The following STXBP5L variants were observed in gnomAD, a reference collection of about 807,000 sequenced individuals.
STXBP5L encodes the protein syntaxin binding protein 5L.
STXBP5L carries 65 observed loss-of-function variants against 144.5 expected under a neutral mutation model. The ratio of observed to expected loss-of-function variants is 0.45; its 90% CI spans 0.37 to 0.55. STXBP5L has a LOEUF of 0.55. Among genes scored for constraint, STXBP5L ranks in the 20% least tolerant of loss-of-function variants. The probability of loss-of-function intolerance (pLI) is 0.00; values close to 1 mark genes in which losing one functional copy is unlikely to be tolerated. For synonymous variants in STXBP5L, 505 were observed against 469.6 expected, an observed-to-expected ratio of 1.08 and a Z score of -0.97; for missense variants, 1,298 against 1,405.5, an observed-to-expected ratio of 0.92 and a Z score of 1.22.
At position 121,413,186 on chromosome 3, in the gene STXBP5L, G is replaced by A. The variant is rs1421779880; in HGVS notation, c.2977G>A (p.Val993Ile). 9 of 1,605,040 alleles carry A rather than the reference G, an allele frequency of 5.6e-6. No homozygotes were observed. Among genetic ancestry groups the A allele is most frequent in the Non-Finnish European group, 5.9e-6 (7 of 1,177,038 alleles). Residue 993 changes from valine (V) to isoleucine (I), a missense_variant, in exon 24 of 27, where the codon GTT (valine) becomes ATT (isoleucine). Coordinates refer to ENST00000471454, the MANE Select transcript of STXBP5L (RefSeq NM_001308330.2). ...SLPSLRPMLDVNYLPLTDMRI... is the reference protein window; with the variant it reads ...SLPSLRPMLDINYLPLTDMRI... Reference sequence around the variant, plus strand: ...ACCTAGTCTTCGCCCAATGTTGGATGTTAATTATTTGCCACTGACAGACAT... The same window carrying A: ...ACCTAGTCTTCGCCCAATGTTGGATATTAATTATTTGCCACTGACAGACAT...
intron 2 of STXBP5L, among the ~76,000 whole-genome samples, chr3:120,950,136 A>G (rs373377432): frequency 2.4e-4 from 37 of 151,992 alleles, no homozygotes; most frequent in African/African-American, 8.9e-4. Context: ...TTATTCTTAG[A>G]GTTTTATAGC....
At chr3:120,971,638 T>TAC (rs10576644) in intron 3 of STXBP5L, among the ~76,000 whole-genome samples, 1,617 of 146,356 alleles carry the variant, frequency 0.011, 17 homozygotes, top group East Asian at 0.042. Context: ...CATGCATACA[T>TAC]ACACACACAC....
intron 20 of STXBP5L, among the ~76,000 whole-genome samples, chr3:121,322,954 G>A (rs1309067509): frequency 1.3e-5 from 2 of 152,114 alleles, no homozygotes; most frequent in Non-Finnish European, 2.9e-5. Context: ...TAATGATGCT[G>A]AGCACTTTTT....
chr3:120,947,852 A>G (rs1559897300), intron 2 of STXBP5L, among the ~76,000 whole-genome samples: 2 of 151,964 alleles, frequency 1.3e-5, no homozygotes, highest in South Asian at 2.1e-4. Context: ...TTATTTATTC[A>G]TCAGTCGATG....
chr3:120,915,745 C>G (rs1709069983), intron 2 of STXBP5L, among the ~76,000 whole-genome samples: 1 of 151,846 alleles, frequency 6.6e-6, no homozygotes. Context: ...ACTAAACTGT[C>G]TTTATAAGGA....
chr3:121,343,459 T>C lies in STXBP5L; in HGVS notation c.2176+24919T>C, dbSNP rs563165552. ...TTTCGGAAAAGAGGAAGTCAAATTA[T>C]CCCTGTTTGCAGATGACATGACTGT... On this transcript the variant is annotated intron_variant, in intron 20 of 26. Transcript: ENST00000471454. 1.1e-4 allele frequency among the ~76,000 whole-genome samples: 16 copies of C among 152,238 alleles called. No individual in the cohort carries two copies. In the East Asian group the frequency reaches 2.5e-3, roughly 24 times the overall value.
chr3:121,044,450 G>T (rs1191679420), intron 4 of STXBP5L, among the ~76,000 whole-genome samples: 1 of 152,074 alleles, frequency 6.6e-6, no homozygotes, highest in African/African-American at 2.4e-5. Flanking sequence ...ATCTAAATGG[G>T]ATATCTGTGA....
chr3:121,274,820 C>A lies in STXBP5L; in HGVS notation c.1959-4985C>A, dbSNP rs1334727213. Among the ~76,000 whole-genome samples, 3 of 152,114 alleles carry A rather than the reference C, an allele frequency of 2.0e-5. 1 individual carries two copies. Among genetic ancestry groups the A allele is most frequent in the Non-Finnish European group, 4.4e-5 (3 of 68,022 alleles). On this transcript the variant is annotated intron_variant, in intron 18 of 26. Transcript: ENST00000471454. ...GATGAGACATAGTAATAGCATGGAA[C>A]ATAGCAGTAACGTGGGTCCAGCGAC...
chr3:121,096,561 T>C lies in STXBP5L; in HGVS notation c.471-18364T>C, dbSNP rs564537585. Among the ~76,000 whole-genome samples, 3 of 152,302 alleles carry C rather than the reference T, an allele frequency of 2.0e-5. No individual in the cohort carries two copies. In the South Asian group the frequency reaches 6.2e-4, roughly 32 times the overall value. On this transcript the variant is annotated intron_variant, in intron 5 of 26. Transcript: ENST00000471454. ...TCTTTGAGTGGATGTGCTATTCGTT[T>C]CTGTTTGTTAGTTTTTCTTCCAACA... is the stretch of plus-strand genomic sequence containing the variant.
intron 3 of STXBP5L, among the ~76,000 whole-genome samples, chr3:120,982,927 G>A (rs1941930569): frequency 6.6e-6 from 1 of 152,190 alleles, no homozygotes; most frequent in South Asian, 2.1e-4. Context: ...TGCTGCCTGT[G>A]ATAGGGAGGA....
At chr3:121,271,501 T>C (rs2050733107) in intron 18 of STXBP5L, among the ~76,000 whole-genome samples, 1 of 152,192 alleles carries the variant, frequency 6.6e-6, no homozygotes, top group Non-Finnish European at 1.5e-5. Context: ...GCACAATAGA[T>C]GCTCATTTCT....
intron 5 of STXBP5L, among the ~76,000 whole-genome samples, chr3:121,111,811 A>G (rs1204736200): frequency 6.6e-6 from 1 of 152,198 alleles, no homozygotes; most frequent in Non-Finnish European, 1.5e-5. Context: ...GGTTCTGCAG[A>G]GCCATCGGGG....
At chr3:121,162,880 T>C (rs2046371865) in intron 9 of STXBP5L, among the ~76,000 whole-genome samples, 1 of 152,174 alleles carries the variant, frequency 6.6e-6, no homozygotes, top group Non-Finnish European at 1.5e-5. Flanking sequence ...AGATACCATC[T>C]CACACCAATT....
At chr3:120,959,330 G>A (rs1938455134) in intron 3 of STXBP5L, among the ~76,000 whole-genome samples, 1 of 152,140 alleles carries the variant, frequency 6.6e-6, no homozygotes, top group African/African-American at 2.4e-5. Flanking sequence ...TACTGCTCAA[G>A]GTAATTTATA....
rs1017039968 is a variant in STXBP5L at position 121,020,081 on chromosome 3, A to G, written c.288-21619A>G. On this transcript the variant is annotated intron_variant, in intron 3 of 26. Coordinates refer to ENST00000471454, the MANE Select transcript of STXBP5L (RefSeq NM_001308330.2). ...GTGAAATAGATAGCATAAATAAAAA[A>G]CAATCACAACTTCTTGAAATGAAGA... Among the ~76,000 whole-genome samples the G allele has an allele frequency of 3.3e-5, 5 of 152,218 alleles. No individual in the cohort carries two copies. The East Asian group carries it at 9.6e-4, about 29-fold the overall frequency.
chr3:120,955,277 T>C (rs1249372519), intron 3 of STXBP5L, among the ~76,000 whole-genome samples: 3 of 152,052 alleles, frequency 2.0e-5, no homozygotes, highest in African/African-American at 7.2e-5. Flanking sequence ...CTTTTTTCCT[T>C]ATCCATCTGC....
In STXBP5L at chr3:120,941,702, A is replaced by C. The variant is rs896328213; in HGVS notation, c.190-13238A>C. On this transcript the variant is annotated intron_variant, in intron 2 of 26. Transcript: ENST00000471454. ...AAAACTGCTTATATACACAAATCAT[A>C]TCAATGAACTGGAAAACACTACCTA... Among the ~76,000 whole-genome samples, 13 of 151,884 alleles carry C rather than the reference A, an allele frequency of 8.6e-5. No individual in the cohort carries two copies. The South Asian group carries it at 2.3e-3, about 27-fold the overall frequency.
At chr3:121,394,106 A>C (rs1468588475) in intron 22 of STXBP5L, among the ~76,000 whole-genome samples, 1 of 151,992 alleles carries the variant, frequency 6.6e-6, no homozygotes, top group Non-Finnish European at 1.5e-5. Context: ...TTCTTTCACT[A>C]GTGTTTTTTA....
At chr3:121,116,870 C>A (rs1017845828) in intron 6 of STXBP5L, among the ~76,000 whole-genome samples, 1 of 151,740 alleles carries the variant, frequency 6.6e-6, no homozygotes, top group Non-Finnish European at 1.5e-5. Flanking sequence ...CTTAGATGAA[C>A]AAGAGAAGAT....
Sources: gnomAD v4.1 joint callset for allele counts (sites outside exome capture counted in the v4.1 genomes callset) on GRCh38, gnomAD v4.1.1 for gene constraint, MANE v1.5 for transcripts, NCBI Gene and HGNC (gene_info 2026-07-23, HGNC 2026-07-21) for gene names.